Variants in GOLGA5 observed in about 807,000 individuals in gnomAD.
GOLGA5 encodes the protein golgin subfamily A member 5.
A neutral mutation model predicts 93.5 loss-of-function variants in GOLGA5; 50 were observed. That is an observed-to-expected ratio of 0.53 (90% CI 0.43 to 0.68). The LOEUF is 0.68. Ranked by LOEUF, GOLGA5 falls within the 30% of genes least tolerant of loss-of-function variation. The pLI is 0.00. For missense variants in GOLGA5, 760 were observed against 856.4 expected, an observed-to-expected ratio of 0.89 and a Z score of 1.40; for synonymous variants, 312 against 304.5, an observed-to-expected ratio of 1.02 and a Z score of -0.26.
rs765848702 is a variant in GOLGA5, at chr14:92,797,430, CT to C, written c.-7del. 13 of 1,592,348 alleles carry C rather than the reference CT, an allele frequency of 8.2e-6. No individual in the cohort carries two copies. In the African/African-American group the frequency reaches 1.8e-4, roughly 21 times the overall value. ...CAGGTTTGCCAATAGGATTATCCTG[CT>C]GCCATCATGTCTTGGTTTGTTGATC... On this transcript the variant is annotated 5_prime_UTR_variant, in exon 2 of 13. Transcript: ENST00000163416.
chr14:92,802,376 C>G (rs1167511767), intron 2 of GOLGA5, among the ~76,000 whole-genome samples: 2 of 152,026 alleles, frequency 1.3e-5, no homozygotes, highest in Admixed American at 1.3e-4. Flanking sequence ...CTAGATGGCT[C>G]TTAATCTTCA....
chr14:92,815,433 G>A (rs976844794), intron 6 of GOLGA5, among the ~76,000 whole-genome samples: 2 of 152,194 alleles, frequency 1.3e-5, no homozygotes, highest in African/African-American at 4.8e-5. Context: ...AAGGCAGAGG[G>A]TACTATCTAT....
At chr14:92,838,752 G>C (rs560108126) in intron 12 of GOLGA5, among the ~76,000 whole-genome samples, 1 of 152,090 alleles carries the variant, frequency 6.6e-6, no homozygotes, top group Non-Finnish European at 1.5e-5. Flanking sequence ...TGCCCCAGAG[G>C]GGTTGATTTC....
intron 7 of GOLGA5, 106 bp downstream of exon 7, chr14:92,816,527 T>TCTTCGCTTCGCTTCGCTTCGCTTCG (rs57383293): frequency 8.1e-5 from 56 of 691,160 alleles, no homozygotes; most frequent in Non-Finnish European, 1.2e-4. Context: ...TTCTCGCTTC[T>TCTTCGCTTCGCTTCGCTTCGCTTCG]CTTCGCTTCG....
At chr14:92,818,628 G>C (rs1431796000) in intron 7 of GOLGA5, among the ~76,000 whole-genome samples, 1 of 152,198 alleles carries the variant, frequency 6.6e-6, no homozygotes, top group Non-Finnish European at 1.5e-5. Flanking sequence ...ACAAAGTTGT[G>C]TGAGTTCAGA....
intron 7 of GOLGA5, among the ~76,000 whole-genome samples, chr14:92,816,636 A>G (rs1885215068): frequency 6.6e-6 from 1 of 152,082 alleles, no homozygotes; most frequent in Admixed American, 6.5e-5. Flanking sequence ...ATCATAGCTC[A>G]CTGCAGCCTC....
chr14:92,810,314 G>T lies in GOLGA5; in HGVS notation c.1053G>T (p.Gln351His), dbSNP rs554824244. The change falls in exon 5 of 13, where the codon CAG becomes CAT. Residue 351 changes from glutamine (Q) to histidine (H), a missense_variant. Transcript: ENST00000163416. ...AGAATCAAGCTCTGCAGACTTTTCA[G>T]GAGAGACTGCATGAAGCGGATGCCA... ...SLQNQALQTFQERLHEADATL... is the reference protein window; with the variant it reads ...SLQNQALQTFHERLHEADATL... 6.2e-7 allele frequency: 1 copy of T among 1,606,448 alleles called. No individual in the cohort carries two copies. Among genetic ancestry groups the T allele is most frequent in the Non-Finnish European group, 8.5e-7 (1 of 1,174,574 alleles).
intron 7 of GOLGA5, 129 bp downstream of exon 7, chr14:92,816,550 T>G: frequency 1.5e-6 from 1 of 684,362 alleles, no homozygotes; most frequent in South Asian, 1.9e-5. Flanking sequence ...TCGCTTCTCT[T>G]CTCTTCCTCC....
chr14:92,813,260 T>G (rs1885139107), intron 6 of GOLGA5, among the ~76,000 whole-genome samples: 1 of 152,216 alleles, frequency 6.6e-6, no homozygotes, highest in African/African-American at 2.4e-5. Context: ...AACTACTCAC[T>G]AGGCACAGAG....
chr14:92,822,480 C>T (rs1230027871), intron 8 of GOLGA5, among the ~76,000 whole-genome samples: 2 of 152,206 alleles, frequency 1.3e-5, no homozygotes, highest in Non-Finnish European at 1.5e-5. Context: ...TCTGAGCTGT[C>T]TCTGAGTGAT....
In GOLGA5 at chr14:92,794,313, T is replaced by C. The variant is rs1427313972; in HGVS notation, c.-174T>C. ...TCTGTTGTGGGGTCCTCGCTTCCCT[T>C]CCACGTCTCCCGGAAGCGGTAGCAG... On this transcript the variant is annotated 5_prime_UTR_variant, in exon 1 of 13. Transcript: ENST00000163416. The C allele has an allele frequency of 6.6e-6, 1 of 152,308 alleles. No homozygotes were observed. 9.4% of individuals were successfully genotyped at this position (152,308 alleles called of 1,614,324 possible).
At position 92,839,639 on chromosome 14, in the gene GOLGA5, A is replaced by G; in HGVS notation, c.*193A>G. On this transcript the variant is annotated 3_prime_UTR_variant, in exon 13 of 13. Coordinates refer to ENST00000163416, the MANE Select transcript of GOLGA5 (RefSeq NM_005113.4). The stretch of plus-strand genomic sequence containing the variant: ...CCTTTAAATGGTAAGAGTTTCTAAA[A>G]CAGACAATAATTTAACAAGCTCAGC... 1.7e-6 allele frequency: 1 copy of G among 591,304 alleles called. No homozygotes were observed. The highest frequency in any genetic ancestry group is 3.0e-6 in the Non-Finnish European group (1 of 333,190). 36.6% of individuals were successfully genotyped at this position (591,304 alleles called of 1,614,324 possible).
chr14:92,799,139 A>T (rs1337640733), intron 2 of GOLGA5, among the ~76,000 whole-genome samples: 1 of 151,852 alleles, frequency 6.6e-6, no homozygotes, highest in Non-Finnish European at 1.5e-5. Context: ...AGCTAATTTT[A>T]AAAAATTATT....
At chr14:92,809,544 A>G in intron 4 of GOLGA5, 25 bp downstream of exon 4, 1 of 1,412,590 alleles carries the variant, frequency 7.1e-7, no homozygotes, top group Non-Finnish European at 1.0e-6. Context: ...GAATAATGAA[A>G]AAAATGAGCA....
At chr14:92,830,967 C>T (rs996418405) in intron 9 of GOLGA5, among the ~76,000 whole-genome samples, 7 of 152,178 alleles carry the variant, frequency 4.6e-5, no homozygotes, top group Admixed American at 4.6e-4. Flanking sequence ...GCAATATTCA[C>T]TTTATTCCAG....
chr14:92,811,635 T>G lies in GOLGA5; in HGVS notation c.1201T>G (p.Ser401Ala), dbSNP rs550880340. 6 of 1,612,422 alleles carry G rather than the reference T, an allele frequency of 3.7e-6. No individual in the cohort carries two copies. In the African/African-American group the frequency reaches 4.0e-5, roughly 11 times the overall value. Reference protein sequence around the residue: ...EAITLAERKYSDEKKRVDELQ... With the variant: ...EAITLAERKYADEKKRVDELQ... ...AATTACACTGGCCGAAAGAAAATAC[T>G]CAGATGAGAAGAAGAGGGTTGATGA... Residue 401 changes from serine (S) to alanine (A), a missense_variant, in exon 6 of 13, where the codon TCA (serine) becomes GCA (alanine). By Grantham distance (99) the Ser-to-Ala change is moderately conservative. Transcript: ENST00000163416.
intron 7 of GOLGA5, among the ~76,000 whole-genome samples, chr14:92,819,479 AAACTTAAGCCAGGCCTCGTGGC>A (rs1885271193): frequency 6.6e-6 from 1 of 151,898 alleles, no homozygotes; most frequent in South Asian, 2.1e-4. Context: ...AAAAAAAAAA[AAACTTAAGCCAGGCCTCGTGGC>A]ATGTGCCTGT....
At chr14:92,803,809 C>A (rs971237194) in intron 2 of GOLGA5, among the ~76,000 whole-genome samples, 5 of 152,186 alleles carry the variant, frequency 3.3e-5, no homozygotes, top group African/African-American at 1.2e-4. Flanking sequence ...TGAATCCTTA[C>A]CCTGTTTCTG....
intron 8 of GOLGA5, among the ~76,000 whole-genome samples, chr14:92,820,627 A>C (rs1008862573): frequency 2.0e-5 from 3 of 152,292 alleles, no homozygotes; most frequent in African/African-American, 4.8e-5. Context: ...AGGCTATCAC[A>C]TGGGGAGAAA....
Sources: allele counts gnomAD v4.1 joint callset (sites outside exome capture counted in the v4.1 genomes callset), GRCh38; gene constraint gnomAD v4.1.1; transcripts MANE v1.5; gene names NCBI Gene and HGNC (gene_info 2026-07-23, HGNC 2026-07-21).